The following PIK3CD variants were observed in gnomAD, a reference collection of about 807,000 sequenced individuals.
PIK3CD encodes the protein phosphatidylinositol-4,5-bisphosphate 3-kinase catalytic subunit delta, also known as phosphatidylinositol 4,5-bisphosphate 3-kinase catalytic subunit delta isoform.
Under a neutral mutation model 122.9 loss-of-function variants are expected in PIK3CD, and 20 were observed. The ratio of observed to expected loss-of-function variants is 0.16; its 90% confidence interval spans 0.11 to 0.24. PIK3CD has a LOEUF of 0.24. PIK3CD is among the 10% of genes least tolerant of loss of function. PIK3CD has a pLI of 1.00. For synonymous variants in PIK3CD, 596 were observed against 593.4 expected, an observed-to-expected ratio of 1.00 and a Z score of -0.06; for missense variants, 787 against 1,406.3, an observed-to-expected ratio of 0.56 and a Z score of 7.04.
At chr1:9,630,707 A>AGT in the PIK3CD span, among the ~76,000 whole-genome samples, 6,623 of 147,612 alleles carry the variant, frequency 0.045, 240 homozygotes, top group African/African-American at 0.099. Context: ...AAAGAAAGTG[A>AGT]GTGTGTGTGT....
chr1:9,716,658 C>A (rs1341183770), intron 6 of PIK3CD, 39 bp downstream of exon 6: 2 of 1,538,604 alleles, frequency 1.3e-6, no homozygotes, highest in Non-Finnish European at 1.8e-6. Context: ...GGGCTCCCAA[C>A]GCCCTGGATA....
chr1:9,721,683 G>T lies in PIK3CD; in HGVS notation c.1956-78G>T, dbSNP rs117226273. On this transcript the variant is annotated intron_variant, in intron 15 of 23. Coordinates refer to ENST00000377346, the MANE Select transcript of PIK3CD (RefSeq NM_005026.5). ...CGTTTCCAGCAGGCCTGGGTGTCCTGGCCTCGCTAGGTCCTGCTGGGCGGG... is the reference window on the plus strand; with the variant it reads ...CGTTTCCAGCAGGCCTGGGTGTCCTTGCCTCGCTAGGTCCTGCTGGGCGGG... 3.2e-3 allele frequency: 5,117 copies of T among 1,604,680 alleles called. 98 individuals are homozygous for T. In the East Asian group the frequency reaches 0.047, roughly 15 times the overall value.
chr1:9,723,925 G>A lies in PIK3CD; in HGVS notation c.2595-44G>A. The A allele has an allele frequency of 1.3e-6, 2 of 1,594,052 alleles. No individual in the cohort carries two copies. The highest frequency in any genetic ancestry group is 1.7e-6 in the Non-Finnish European group (2 of 1,162,172). On this transcript the variant is annotated intron_variant, in intron 20 of 23. Coordinates refer to ENST00000377346, the MANE Select transcript of PIK3CD (RefSeq NM_005026.5). This position sits in a 1 kb window ranked among gnomAD's most constrained non-coding sequence, Gnocchi z 4.9. ...AATAACCCACCTCTTGATAGGCGGA[G>A]CTGCAAAATGGTATGGCCATGCTTT...
At chr1:9,707,625 C>T (rs762182949) in intron 2 of PIK3CD, among the ~76,000 whole-genome samples, 1 of 151,992 alleles carries the variant, frequency 6.6e-6, no homozygotes, top group Middle Eastern at 3.2e-3. Flanking sequence ...GTTTTCTTTT[C>T]CTACATTAGT....
chr1:9,634,132 T>C, the PIK3CD span, among the ~76,000 whole-genome samples: 5 of 147,126 alleles, frequency 3.4e-5, no homozygotes, highest in Middle Eastern at 3.5e-3. Flanking sequence ...CCACCACACC[T>C]GGTTAATTTT....
In PIK3CD at chr1:9,678,400, G is replaced by A. The variant is rs146801833; in HGVS notation, c.-137-13067G>A. Among the ~76,000 whole-genome samples the A allele has an allele frequency of 1.9e-3, 292 of 152,242 alleles. 2 individuals are homozygous for A. The highest frequency in any genetic ancestry group is 0.014 in the Middle Eastern group (4 of 294). On this transcript the variant is annotated intron_variant, in intron 1 of 23. Coordinates refer to ENST00000377346, the MANE Select transcript of PIK3CD (RefSeq NM_005026.5). ...GAGTCCGGGAGGTTGAGGCTGCCAT[G>A]AGCCTATTATGGCATTGGACTCCAG...
rs1649189895 is a variant in PIK3CD at position 9,724,521 on chromosome 1, A to G, written c.2864+100A>G. The G allele has an allele frequency of 7.5e-7, 1 of 1,338,772 alleles. No homozygotes were observed. Among genetic ancestry groups the G allele is most frequent in the Admixed American group, 1.7e-5 (1 of 57,748 alleles). 82.9% of individuals were successfully genotyped at this position (1,338,772 alleles called of 1,614,324 possible). On this transcript the variant is annotated intron_variant, in intron 22 of 23. Transcript: ENST00000377346. This position sits in a 1 kb window ranked among gnomAD's most constrained non-coding sequence, Gnocchi z 7.3. The stretch of plus-strand genomic sequence containing the variant: ...GGTGCAGGATGGGGCTCAGGTCTCA[A>G]CCCCACACCTGGCCCCTCACCCCAA...
At chr1:9,632,294 G>A in the PIK3CD span, among the ~76,000 whole-genome samples, 2 of 152,166 alleles carry the variant, frequency 1.3e-5, no homozygotes, top group Non-Finnish European at 1.5e-5. Flanking sequence ...TTGCAGGCGT[G>A]AGCCACCGCA....
Position 9,717,695 on chromosome 1 carries a change from G to T in PIK3CD, c.1020+69G>T, listed in dbSNP as rs1033140410. On this transcript the variant is annotated intron_variant, in intron 8 of 23. Transcript: ENST00000377346. The surrounding 1 kb of genome is among the most constrained non-coding windows in gnomAD (Gnocchi z 5.4). ...CAAACAAGGTGGCTGTATCCTGGAGGGGTAGCAGAGGAAGGAGGGGGATCA... is the reference window on the plus strand; with the variant it reads ...CAAACAAGGTGGCTGTATCCTGGAGTGGTAGCAGAGGAAGGAGGGGGATCA... 2.2e-6 allele frequency: 3 copies of T among 1,370,958 alleles called. No individual in the cohort carries two copies. Among genetic ancestry groups the T allele is most frequent in the African/African-American group, 2.9e-5 (2 of 69,988 alleles). The allele number at this position is 1,370,958 out of a possible 1,614,324, so 84.9% of individuals were successfully genotyped here.
chr1:9,647,527 G>A (rs1644620342), upstream of PIK3CD, among the ~76,000 whole-genome samples: 2 of 117,286 alleles, frequency 1.7e-5, no homozygotes, highest in Admixed American at 8.6e-5. Context: ...TATTAGAGAC[G>A]TGGTCTCACT....
rs764068758 is a variant in PIK3CD, at chr1:9,723,948, T to A, written c.2595-21T>A. 4 of 1,613,692 alleles carry A rather than the reference T, an allele frequency of 2.5e-6. No homozygotes were observed. The South Asian group carries it at 4.4e-5, about 18-fold the overall frequency. Reference sequence around the variant, plus strand: ...GAGCTGCAAAATGGTATGGCCATGCTTTTTAATCTTCCCCACCCAGGGAGG... The same window carrying A: ...GAGCTGCAAAATGGTATGGCCATGCATTTTAATCTTCCCCACCCAGGGAGG... On this transcript the variant is annotated intron_variant, in intron 20 of 23. Coordinates refer to ENST00000377346, the MANE Select transcript of PIK3CD (RefSeq NM_005026.5). The surrounding 1 kb of genome is among the most constrained non-coding windows in gnomAD (Gnocchi z 4.9).
In PIK3CD at chr1:9,727,943, T is replaced by C. The variant is rs1458624456; in HGVS notation, c.*897T>C. On this transcript the variant is annotated 3_prime_UTR_variant, in exon 24 of 24. Coordinates refer to ENST00000377346, the MANE Select transcript of PIK3CD (RefSeq NM_005026.5). ...CCTCAGCCTCCTGAGTAGCTGGGAT[T>C]ACAGGTGTGCACCACCGTACCCAGC... The C allele has an allele frequency of 6.0e-6, 1 of 166,738 alleles. No individual in the cohort carries two copies. The highest frequency in any genetic ancestry group is 1.3e-5 in the Non-Finnish European group (1 of 76,246). The allele number at this position is 166,738 out of a possible 1,614,324, so 10.3% of individuals were successfully genotyped here.
chr1:9,706,158 A>T (rs1245431441), intron 2 of PIK3CD, among the ~76,000 whole-genome samples: 1 of 137,702 alleles, frequency 7.3e-6, no homozygotes, highest in East Asian at 2.2e-4. Context: ...AAGTGCTGGG[A>T]TTACAGGCAT....
the PIK3CD span, among the ~76,000 whole-genome samples, chr1:9,627,792 C>A: frequency 4.1e-4 from 63 of 152,274 alleles, 1 homozygote; most frequent in Non-Finnish European, 7.4e-4. Context: ...ATGACTGCTG[C>A]CCAAAGGCAG....
At chr1:9,726,200 AAGACTCTGT>A (rs1464626642) in intron 23 of PIK3CD, among the ~76,000 whole-genome samples, 109 of 151,388 alleles carry the variant, frequency 7.2e-4, no homozygotes, top group Non-Finnish European at 1.3e-3. Flanking sequence ...GTGACAGAGC[AAGACTCTGT>A]CTCAAAAAGA....
intron 1 of PIK3CD, among the ~76,000 whole-genome samples, chr1:9,668,782 T>C (rs1352658530): frequency 1.3e-5 from 2 of 152,200 alleles, no homozygotes; most frequent in Non-Finnish European, 2.9e-5. Flanking sequence ...TCTGTCCAAA[T>C]AGACTGTGTC....
chr1:9,644,945 G>A, the PIK3CD span, among the ~76,000 whole-genome samples: 2 of 152,058 alleles, frequency 1.3e-5, no homozygotes, highest in Admixed American at 6.6e-5. Flanking sequence ...AGGCTTGGAC[G>A]GGCAGAAGCA....
chr1:9,690,394 C>A (rs1048771922), intron 1 of PIK3CD, among the ~76,000 whole-genome samples: 1 of 152,242 alleles, frequency 6.6e-6, no homozygotes, highest in African/African-American at 2.4e-5. Context: ...AAAGGGCTTT[C>A]CTTATGATCC....
chr1:9,639,485 T>A, the PIK3CD span, among the ~76,000 whole-genome samples: 1 of 152,130 alleles, frequency 6.6e-6, no homozygotes, highest in African/African-American at 2.4e-5. Flanking sequence ...TCACAACTTC[T>A]CTGAAGTTGG....
Sources: gnomAD v4.1 joint callset for allele counts (sites outside exome capture counted in the v4.1 genomes callset) on GRCh38, gnomAD v4.1.1 for gene constraint, Gnocchi (gnomAD v3.1) non-coding constraint, MANE v1.5 for transcripts, NCBI Gene and HGNC (gene_info 2026-07-23, HGNC 2026-07-21) for gene names.